The following CMTM4 variants were observed in gnomAD, a reference collection of about 807,000 sequenced individuals.
The protein encoded by CMTM4 is CKLF-like MARVEL transmembrane domain-containing protein 4.
Under a neutral mutation model 19.0 loss-of-function variants are expected in CMTM4, and 8 were observed. The observed-to-expected ratio is 0.42, with a 90% CI of 0.25 to 0.76. CMTM4 has a LOEUF of 0.76. Ranked by LOEUF, CMTM4 falls within the 30% of genes least tolerant of loss-of-function variation. The probability of loss-of-function intolerance (pLI) is 0.27; values close to 1 mark genes in which losing one functional copy is unlikely to be tolerated. For missense variants in CMTM4, 228 were observed against 290.2 expected (o/e 0.79, Z 1.56); for synonymous variants, 106 against 121.1 (o/e 0.88, Z 0.82).
chr16:66,600,112 TTGTGTGTG>T, the CMTM4 span, among the ~76,000 whole-genome samples: 3 of 146,504 alleles, frequency 2.0e-5, no homozygotes, highest in African/African-American at 7.6e-5. Context: ...AGCCATCCTT[TTGTGTGTG>T]TGTGTGTGTG....
downstream of CMTM4, chr16:66,610,154 C>T (rs2144750382): frequency 1.1e-6 from 1 of 946,000 alleles, no homozygotes; most frequent in East Asian, 2.5e-5. The surrounding 1 kb of genome is among the most constrained non-coding windows in gnomAD (Gnocchi z 4.6). Context: ...TACCCTCATG[C>T]AGCACTGATC....
At chr16:66,608,115 G>C in the CMTM4 span, among the ~76,000 whole-genome samples, 1 of 152,166 alleles carries the variant, frequency 6.6e-6, no homozygotes, top group African/African-American at 2.4e-5. This position sits in a 1 kb window ranked among gnomAD's most constrained non-coding sequence, Gnocchi z 5.1. Flanking sequence ...CAAAGTGCTA[G>C]GATTACAGGT....
chr16:66,660,872 C>T (rs948964300), intron 1 of CMTM4, among the ~76,000 whole-genome samples: 2 of 152,156 alleles, frequency 1.3e-5, no homozygotes, highest in African/African-American at 4.8e-5. Flanking sequence ...CTCTCCTGCT[C>T]GCTGTGCTAA....
rs1763065082 is a variant in CMTM4, at chr16:66,619,323, A to G, written c.*2735T>C. The G allele has an allele frequency of 1.0e-6, 1 of 985,322 alleles. No homozygotes were observed. The highest frequency in any genetic ancestry group is 6.2e-5 in the Admixed American group (1 of 16,258). The allele number at this position is 985,322 out of a possible 1,614,324, so 61.0% of individuals were successfully genotyped here. ...CTAAAACCACCAGAGGTTCCACCAA[A>G]TGCTTGAGGGTTTCAGCTGTACAGT... is the stretch of plus-strand genomic sequence containing the variant. On this transcript the variant is annotated 3_prime_UTR_variant, in exon 4 of 4. Coordinates refer to ENST00000394106, the MANE Select transcript of CMTM4 (RefSeq NM_181521.3).
downstream of CMTM4, chr16:66,609,906 C>T (rs758402246): frequency 5.0e-6 from 8 of 1,614,036 alleles, no homozygotes; most frequent in African/African-American, 2.7e-5. The surrounding 1 kb of genome is among the most constrained non-coding windows in gnomAD (Gnocchi z 4.4). Flanking sequence ...TTGCTACCAT[C>T]GTGTTTGCAA....
At chr16:66,633,082 T>C (rs2015907361) in intron 2 of CMTM4, among the ~76,000 whole-genome samples, 1 of 135,924 alleles carries the variant, frequency 7.4e-6, no homozygotes, top group Non-Finnish European at 1.5e-5. Flanking sequence ...CGAAACTCCG[T>C]TTCAAAATAT....
intron 1 of CMTM4, among the ~76,000 whole-genome samples, chr16:66,658,643 G>A (rs747549640): frequency 4.1e-4 from 62 of 152,084 alleles, no homozygotes; most frequent in Non-Finnish European, 6.6e-4. Flanking sequence ...ATCTCAGACC[G>A]GATCACTTTT....
the CMTM4 span, chr16:66,605,477 G>A: frequency 3.3e-4 from 50 of 152,904 alleles, no homozygotes; most frequent in South Asian, 0.01. The surrounding 1 kb of genome is among the most constrained non-coding windows in gnomAD (Gnocchi z 4.6). Context: ...CCGCGGCCGG[G>A]CTCCTTCCTA....
At chr16:66,674,362 C>A (rs1205326666) in intron 1 of CMTM4, among the ~76,000 whole-genome samples, 1 of 152,202 alleles carries the variant, frequency 6.6e-6, no homozygotes, top group Non-Finnish European at 1.5e-5. Flanking sequence ...CCTGGCAACT[C>A]AGGCCAACAC....
At chr16:66,624,320 G>A (rs2015694620) in intron 2 of CMTM4, among the ~76,000 whole-genome samples, 1 of 152,328 alleles carries the variant, frequency 6.6e-6, no homozygotes, top group East Asian at 1.9e-4. Context: ...GAGGCACCCA[G>A]TAGCCTGGGT....
the CMTM4 span, among the ~76,000 whole-genome samples, chr16:66,601,980 G>A: frequency 2.0e-5 from 3 of 152,222 alleles, no homozygotes; most frequent in Non-Finnish European, 4.4e-5. Context: ...CATGGAGTGT[G>A]CAGCCCAGGC....
At chr16:66,626,537 C>T (rs1223922878) in intron 2 of CMTM4, among the ~76,000 whole-genome samples, 1 of 152,096 alleles carries the variant, frequency 6.6e-6, no homozygotes, top group South Asian at 2.1e-4. Context: ...GGCCAGGGGG[C>T]GGAGATTGCA....
At chr16:66,676,131 C>T (rs1417099046) in intron 1 of CMTM4, among the ~76,000 whole-genome samples, 2 of 152,126 alleles carry the variant, frequency 1.3e-5, no homozygotes, top group Non-Finnish European at 2.9e-5. Context: ...AAGTTATATC[C>T]AACACCAGGA....
intron 1 of CMTM4, among the ~76,000 whole-genome samples, chr16:66,637,734 G>A (rs372622765): frequency 3.3e-5 from 5 of 152,112 alleles, no homozygotes; most frequent in East Asian, 1.9e-4. Flanking sequence ...GAAAGGTTTC[G>A]AGCACCTAAA....
downstream of CMTM4, chr16:66,613,223 G>A (rs962052894): frequency 5.4e-5 from 37 of 684,836 alleles, no homozygotes; most frequent in Non-Finnish European, 9.1e-5. Context: ...AGTGGGGCTC[G>A]GCACCCATAA....
the CMTM4 span, among the ~76,000 whole-genome samples, chr16:66,600,238 G>A: frequency 6.6e-6 from 1 of 150,594 alleles, no homozygotes; most frequent in African/African-American, 2.5e-5. Flanking sequence ...AGCCTCCCAG[G>A]TTCAAGCAAT....
At chr16:66,610,779 C>G (rs1447266600), downstream of CMTM4, 3 of 398,570 alleles carry the variant, frequency 7.5e-6, no homozygotes, top group Non-Finnish European at 1.3e-5. This position sits in a 1 kb window ranked among gnomAD's most constrained non-coding sequence, Gnocchi z 4.6. Flanking sequence ...CTGCAGGCCC[C>G]ACCCTGTGGT....
At chr16:66,686,908 A>G (rs1411988490) in intron 1 of CMTM4, among the ~76,000 whole-genome samples, 1 of 152,204 alleles carries the variant, frequency 6.6e-6, no homozygotes, top group Non-Finnish European at 1.5e-5. Context: ...ACTAGAAAAC[A>G]TAATCACCAG....
At chr16:66,675,689 C>A (rs1485645770) in intron 1 of CMTM4, among the ~76,000 whole-genome samples, 1 of 151,982 alleles carries the variant, frequency 6.6e-6, no homozygotes, top group Non-Finnish European at 1.5e-5. Context: ...CATGGACATG[C>A]ACAGTGACTC....
Sources: gnomAD v4.1 joint callset for allele counts (sites outside exome capture counted in the v4.1 genomes callset) on GRCh38, gnomAD v4.1.1 for gene constraint, Gnocchi (gnomAD v3.1) non-coding constraint, MANE v1.5 for transcripts, NCBI Gene and HGNC (gene_info 2026-07-23, HGNC 2026-07-21) for gene names.